The following GRID2 variants were observed in gnomAD, a reference collection of about 807,000 sequenced individuals.
GRID2 encodes glutamate ionotropic receptor delta type subunit 2, also known as glutamate receptor ionotropic, delta-2.
A neutral mutation model predicts 114.8 loss-of-function variants in GRID2; 33 were observed. The observed-to-expected ratio is 0.29, with a 90% CI of 0.22 to 0.38. GRID2 has a LOEUF of 0.38. Ranked by LOEUF, GRID2 falls within the 10% of genes least tolerant of loss-of-function variation. GRID2 has a pLI of 1.00. For missense variants in GRID2, 1,184 were observed against 1,257.7 expected (o/e 0.94, Z 0.89); for synonymous variants, 505 against 449.9 (o/e 1.12, Z -1.55).
intron 1 of GRID2, among the ~76,000 whole-genome samples, chr4:92,480,593 TG>T (rs906942114): frequency 1.3e-5 from 2 of 152,146 alleles, no homozygotes; most frequent in African/African-American, 4.8e-5. Context: ...AATTCAAACT[TG>T]GCAGGGCTGT....
At chr4:92,623,141 T>G (rs1051776071) in intron 2 of GRID2, among the ~76,000 whole-genome samples, 4 of 151,636 alleles carry the variant, frequency 2.6e-5, no homozygotes, top group African/African-American at 9.7e-5. Context: ...TATAAAAATA[T>G]TTTAAAATAG....
intron 2 of GRID2, among the ~76,000 whole-genome samples, chr4:92,596,846 T>C (rs921224997): frequency 1.7e-4 from 26 of 152,070 alleles, no homozygotes; most frequent in African/African-American, 5.3e-4. Context: ...ACTTCCAAGA[T>C]TGAGCCAGCT....
At chr4:92,876,236 T>C (rs1193461708) in intron 2 of GRID2, among the ~76,000 whole-genome samples, 3 of 151,632 alleles carry the variant, frequency 2.0e-5, no homozygotes, top group African/African-American at 7.2e-5. Flanking sequence ...ACAGCAAATT[T>C]ATAAATTATG....
At chr4:93,034,613 C>T (rs954831740) in intron 2 of GRID2, among the ~76,000 whole-genome samples, 2 of 152,136 alleles carry the variant, frequency 1.3e-5, no homozygotes, top group African/African-American at 4.8e-5. Flanking sequence ...CATGTCCCAA[C>T]AAGTGTGTGA....
chr4:92,467,077 T>A (rs952277482), intron 1 of GRID2, among the ~76,000 whole-genome samples: 14 of 151,830 alleles, frequency 9.2e-5, no homozygotes, highest in Admixed American at 2.6e-4. Flanking sequence ...TTATCAAATT[T>A]TACTTTTTTA....
intron 2 of GRID2, among the ~76,000 whole-genome samples, chr4:92,705,031 C>CT (rs201459666): frequency 0.018 from 2,767 of 152,118 alleles, 106 homozygotes; most frequent in African/African-American, 0.062. Flanking sequence ...AATATTTCCT[C>CT]TTTTTTCTTT....
At chr4:93,343,205 A>G (rs962171007) in intron 8 of GRID2, among the ~76,000 whole-genome samples, 2 of 151,746 alleles carry the variant, frequency 1.3e-5, no homozygotes, top group Non-Finnish European at 2.9e-5. Flanking sequence ...AGAAGTTATT[A>G]GAAGTTCCCT....
rs1347179573 is a variant in GRID2 at position 93,407,735 on chromosome 4, C to CCTCCTT, written c.1347+12032_1347+12033insTCTCCT. On this transcript the variant is annotated intron_variant, in intron 9 of 15. Transcript: ENST00000282020. ...TCCTCCTCCTCCTTCTCCTCCTCCT[C>CCTCCTT]CTCCTCCTCCTCCTCCTCCTCGTCC... Among the ~76,000 whole-genome samples the CCTCCTT allele has an allele frequency of 5.9e-3, 682 of 116,556 alleles. 13 individuals carry two copies. The highest frequency in any genetic ancestry group is 0.024 in the African/African-American group (649 of 27,436). 76.5% of individuals were successfully genotyped at this position (116,556 alleles called of 152,430 possible).
chr4:93,763,869 T>TA (rs1733417047), intron 14 of GRID2, among the ~76,000 whole-genome samples: 1 of 152,186 alleles, frequency 6.6e-6, no homozygotes, highest in Admixed American at 6.5e-5. Flanking sequence ...TTTTCTTAGG[T>TA]AACCAGTAAC....
Position 93,351,068 on chromosome 4 carries a change from T to TG in GRID2, c.1246-44538dup, listed in dbSNP as rs879543704. Among the ~76,000 whole-genome samples, 1,306 of 152,092 alleles carry TG rather than the reference T, an allele frequency of 8.6e-3. 47 individuals carry two copies. Among genetic ancestry groups the TG allele is most frequent in the Admixed American group, 0.061 (922 of 15,236 alleles). On this transcript the variant is annotated intron_variant, in intron 8 of 15. Transcript: ENST00000282020. ...CTTATTCACTACCACAAGAACAGTA[T>TG]GAGATAAACTGCCCTCATGATTCAA... is the stretch of plus-strand genomic sequence containing the variant.
chr4:92,898,541 A>T (rs1436053276), intron 2 of GRID2, among the ~76,000 whole-genome samples: 1 of 152,120 alleles, frequency 6.6e-6, no homozygotes, highest in Non-Finnish European at 1.5e-5. Context: ...GTAGCATAAA[A>T]CTTCTGTGAA....
chr4:93,302,618 T>C (rs1327003873), intron 8 of GRID2: 1 of 456,164 alleles, frequency 2.2e-6, no homozygotes, highest in Non-Finnish European at 4.4e-6. Context: ...ACCATTCATA[T>C]ACATTCATCT....
At chr4:93,332,299 TGAGAGAGAGA>T (rs10596544) in intron 8 of GRID2, among the ~76,000 whole-genome samples, 1 of 120,986 alleles carries the variant, frequency 8.3e-6, no homozygotes, top group Admixed American at 8.4e-5. Context: ...TGTGTGTGTG[TGAGAGAGAGA>T]GAGAGAGAGA....
At position 92,447,866 on chromosome 4, in the gene GRID2, C is replaced by T. The variant is rs1173266521; in HGVS notation, c.89-142265C>T. ...CTTCCAAAGGCCCCACCTCCTAATA[C>T]CATCACCTTATGGGTTAGAATTTCA... On this transcript the variant is annotated intron_variant, in intron 1 of 15. Coordinates refer to ENST00000282020, the MANE Select transcript of GRID2 (RefSeq NM_001510.4). Among the ~76,000 whole-genome samples the T allele has an allele frequency of 5.3e-5, 8 of 152,186 alleles. No homozygotes were observed. In the East Asian group the frequency reaches 1.5e-3, roughly 29 times the overall value.
intron 1 of GRID2, among the ~76,000 whole-genome samples, chr4:92,319,252 T>G (rs2110123650): frequency 6.6e-6 from 1 of 152,318 alleles, no homozygotes; most frequent in East Asian, 1.9e-4. Context: ...ATGAGTCTAA[T>G]CTACCTAAAT....
chr4:92,749,485 T>G (rs1737332939), intron 2 of GRID2, among the ~76,000 whole-genome samples: 1 of 151,330 alleles, frequency 6.6e-6, no homozygotes, highest in African/African-American at 2.4e-5. Flanking sequence ...TGGCTAATTT[T>G]TATATTTTTA....
At chr4:93,308,815 A>G (rs1755709929) in intron 8 of GRID2, among the ~76,000 whole-genome samples, 2 of 152,166 alleles carry the variant, frequency 1.3e-5, no homozygotes, top group South Asian at 2.1e-4. Context: ...TTCCTTCATC[A>G]CATCATGTAA....
chr4:93,798,495 G>A (rs1238602849), intron 1 of GRID2, among the ~76,000 whole-genome samples: 1 of 152,148 alleles, frequency 6.6e-6, no homozygotes, highest in African/African-American at 2.4e-5. Flanking sequence ...AAAGGTGAAT[G>A]AAAACCTTGG....
At chr4:92,651,633 A>G (rs529163741) in intron 2 of GRID2, among the ~76,000 whole-genome samples, 7 of 152,204 alleles carry the variant, frequency 4.6e-5, no homozygotes, top group Admixed American at 3.3e-4. Flanking sequence ...CTTTGTCACC[A>G]ATTTTCCAAT....
Sources: allele counts gnomAD v4.1 joint callset (sites outside exome capture counted in the v4.1 genomes callset), GRCh38; gene constraint gnomAD v4.1.1; transcripts MANE v1.5; gene names NCBI Gene and HGNC (gene_info 2026-07-23, HGNC 2026-07-21).